Variants in ZNF44 observed in about 807,000 individuals in gnomAD.
The protein encoded by ZNF44 is zinc finger protein 44, also known as gonadotropin inducible transcription repressor-2.
In ZNF44, 9 loss-of-function variants were observed where a neutral mutation model predicts 11.7. That is an observed-to-expected ratio of 0.77 (90% CI 0.46 to 1.35). The LOEUF is 1.35. Ranked by LOEUF, ZNF44 falls within the 40% of genes most tolerant of loss-of-function variation. The probability of loss-of-function intolerance (pLI) is 0.00; values close to 1 mark genes in which losing one functional copy is unlikely to be tolerated. For synonymous variants in ZNF44, 224 were observed against 242.7 expected, an observed-to-expected ratio of 0.92 and a Z score of 0.72; for missense variants, 696 against 743.1, an observed-to-expected ratio of 0.94 and a Z score of 0.74.
In ZNF44 at chr19:12,273,375, C is replaced by T. The variant is rs542181447; in HGVS notation, c.880G>A (p.Gly294Ser). ...KQCGKAFSVS[G>S]SLRVHERIHT... Reference sequence around the variant, plus strand: ...ATTCTTTCATGTACTCGAAGGGAACCGGAAACACTGAAGGCTTTCCCACAT... The same window carrying T: ...ATTCTTTCATGTACTCGAAGGGAACTGGAAACACTGAAGGCTTTCCCACAT... Residue 294 changes from glycine (G) to serine (S), a missense_variant, in exon 4 of 4, where the codon GGT becomes AGT. Coordinates refer to ENST00000355684, the MANE Select transcript of ZNF44 (RefSeq NM_016264.4). 109 of 1,610,852 alleles carry T rather than the reference C, an allele frequency of 6.8e-5. No homozygotes were observed. Among genetic ancestry groups the T allele is most frequent in the Non-Finnish European group, 9.0e-5 (106 of 1,178,916 alleles).
intron 3 of ZNF44, among the ~76,000 whole-genome samples, chr19:12,229,152 C>G (rs1227212295): frequency 6.6e-6 from 1 of 152,136 alleles, no homozygotes; most frequent in Non-Finnish European, 1.5e-5. Flanking sequence ...GCACACATAA[C>G]ACATATATAA....
chr19:12,224,825 C>G (rs1599474897), downstream of ZNF44: 1 of 148,754 alleles, frequency 6.7e-6, no homozygotes, highest in African/African-American at 2.6e-5. Flanking sequence ...TGGAATGTTT[C>G]TGTGTGGGGG....
chr19:12,239,010 A>T (rs966516385), upstream of ZNF44, among the ~76,000 whole-genome samples: 2 of 152,266 alleles, frequency 1.3e-5, no homozygotes, highest in South Asian at 2.1e-4. Context: ...CACCAGCAGG[A>T]AACTCTCACC....
At chr19:12,293,973 G>A (rs1265396540) in intron 1 of ZNF44, among the ~76,000 whole-genome samples, 1 of 150,758 alleles carries the variant, frequency 6.6e-6, no homozygotes, top group Non-Finnish European at 1.5e-5. Context: ...TATTAACCAG[G>A]TGCCCTCAGC....
intron 5 of ZNF44, among the ~76,000 whole-genome samples, chr19:12,263,645 G>A (rs183921194): frequency 5.9e-4 from 90 of 152,056 alleles, no homozygotes; most frequent in African/African-American, 2.0e-3. Context: ...AAAAATTAGC[G>A]CTGGGTGCAG....
chr19:12,276,403 C>T (rs181529091), intron 1 of ZNF44, among the ~76,000 whole-genome samples: 1 of 152,308 alleles, frequency 6.6e-6, no homozygotes, highest in East Asian at 1.9e-4. Flanking sequence ...GTCCTACCAC[C>T]TACTGTGCAA....
intron 1 of ZNF44, among the ~76,000 whole-genome samples, chr19:12,280,632 T>C (rs1967440814): frequency 6.6e-6 from 1 of 152,094 alleles, no homozygotes. Flanking sequence ...ATGTGTATTA[T>C]CTATATTCAC....
chr19:12,240,151 CCTT>C (rs1053105370), upstream of ZNF44, among the ~76,000 whole-genome samples: 1 of 151,956 alleles, frequency 6.6e-6, no homozygotes, highest in African/African-American at 2.4e-5. Context: ...ATCCTTATGG[CCTT>C]CTTTTTAGGC....
chr19:12,274,014 C>A lies in ZNF44; in HGVS notation c.241G>T (p.Gly81Ter), dbSNP rs192985378. 3.3e-5 allele frequency: 53 copies of A among 1,613,886 alleles called. No individual in the cohort carries two copies. The highest frequency in any genetic ancestry group is 4.3e-5 in the Non-Finnish European group (51 of 1,179,840). ...FGKSKDGSQC[G>*]ETLSQIRNSI... ...TTTCGAATCTGGCTTAAGGTTTCTC[C>A]ACACTGACTACCATCTTTACTTTTA... The change falls in exon 4 of 4, where the codon GGA becomes TGA. Residue 81 changes from glycine to a stop codon, truncating the protein, a stop_gained. Coordinates refer to ENST00000355684, the MANE Select transcript of ZNF44 (RefSeq NM_016264.4). LOFTEE classifies it low-confidence loss of function (END_TRUNC).
exon 8 of ZNF44, chr19:12,248,191 A>C: frequency 7.6e-7 from 1 of 1,308,008 alleles, no homozygotes; most frequent in Non-Finnish European, 1.0e-6. Flanking sequence ...CATTCCTTAC[A>C]TTTGTAGGGT....
chr19:12,242,273 C>T (rs892994732), upstream of ZNF44, among the ~76,000 whole-genome samples: 1 of 151,856 alleles, frequency 6.6e-6, no homozygotes, highest in Non-Finnish European at 1.5e-5. Flanking sequence ...TTTGGGAGGC[C>T]GAGGTGGGCA....
At chr19:12,258,658 C>A (rs554553344) in intron 5 of ZNF44, among the ~76,000 whole-genome samples, 2 of 152,042 alleles carry the variant, frequency 1.3e-5, no homozygotes, top group Non-Finnish European at 2.9e-5. Context: ...GGCAAAACCT[C>A]GTCTCTACGA....
At chr19:12,227,985 TTAACCCTTTA>T (rs1915991009) in intron 3 of ZNF44, among the ~76,000 whole-genome samples, 4 of 152,250 alleles carry the variant, frequency 2.6e-5, no homozygotes, top group Admixed American at 2.6e-4. Context: ...TAGACCCTTT[TTAACCCTTTA>T]TAATTTTTGT....
In ZNF44 at chr19:12,272,655, A is replaced by G. The variant is rs1290848626; in HGVS notation, c.1600T>C (p.Cys534Arg). 1 of 1,613,674 alleles carries G rather than the reference A, an allele frequency of 6.2e-7. No homozygotes were observed. The highest frequency in any genetic ancestry group is 2.2e-5 in the East Asian group (1 of 44,858). The change falls in exon 4 of 4, where the codon TGT (cysteine) becomes CGT (arginine). Residue 534 changes from cysteine (C) to arginine (R), a missense_variant. Cys to Arg is a radical substitution (Grantham distance 180). Coordinates refer to ENST00000355684, the MANE Select transcript of ZNF44 (RefSeq NM_016264.4). The stretch of plus-strand genomic sequence containing the variant: ...AAGAATGCTTTCCTGCATTGCTTAC[A>G]TTCATATGGCTTCTCTGCCGTGTGA... ...RTHTAEKPYECKQCRKAFFWP... is the reference protein window; with the variant it reads ...RTHTAEKPYERKQCRKAFFWP...
At chr19:12,266,394 G>A (rs1450717004) in intron 5 of ZNF44, 3 of 958,080 alleles carry the variant, frequency 3.1e-6, no homozygotes, top group Admixed American at 6.2e-5. Flanking sequence ...AGCCGAGAGC[G>A]ACCCGAGGGC....
chr19:12,280,735 C>T lies in ZNF44; in HGVS notation c.4-4653G>A, dbSNP rs138268162. 3.6e-3 allele frequency among the ~76,000 whole-genome samples: 552 copies of T among 152,200 alleles called. 3 individuals carry two copies. The highest frequency in any genetic ancestry group is 5.9e-3 in the Non-Finnish European group (398 of 67,996). On this transcript the variant is annotated intron_variant, in intron 1 of 3. Transcript: ENST00000355684. The stretch of plus-strand genomic sequence containing the variant: ...TATTTTAAACAGAAAGACACAGATA[C>T]ATTAAATACACAAGTATGAAGAAAT...
intron 5 of ZNF44, among the ~76,000 whole-genome samples, chr19:12,256,697 C>A (rs866476457): frequency 2.9e-5 from 3 of 102,816 alleles, no homozygotes; most frequent in East Asian, 2.7e-4. Context: ...AGCAATTACT[C>A]TTTTTTTTTT....
intron 1 of ZNF44, 67 bp downstream of exon 1, chr19:12,294,625 A>G (rs1968169456): frequency 7.1e-6 from 11 of 1,540,126 alleles, no homozygotes; most frequent in East Asian, 2.5e-5. Flanking sequence ...GTCCCGCCAC[A>G]GCCGGTTCCG....
At chr19:12,276,250 T>C in intron 1 of ZNF44, 168 bp from the exon 2 acceptor site, 1 of 1,086,348 alleles carries the variant, frequency 9.2e-7, no homozygotes, top group Non-Finnish European at 1.3e-6. Context: ...ATGCTGGAAT[T>C]CTGATGCTGG....
Sources: allele counts gnomAD v4.1 joint callset (sites outside exome capture counted in the v4.1 genomes callset), GRCh38; gene constraint gnomAD v4.1.1; transcripts MANE v1.5; gene names NCBI Gene and HGNC (gene_info 2026-07-23, HGNC 2026-07-21).